The following NHEJ1 variants were observed in gnomAD, a reference collection of about 807,000 sequenced individuals.
NHEJ1 encodes non-homologous end joining factor 1, also known as non-homologous end-joining factor 1.
In NHEJ1, 22 loss-of-function variants were observed where a neutral mutation model predicts 39.4. The ratio of observed to expected loss-of-function variants is 0.56; its 90% CI spans 0.40 to 0.80. The LOEUF (loss-of-function observed/expected upper bound fraction) is 0.80, where lower values mean the gene tolerates loss of function less well. Ranked by LOEUF, NHEJ1 falls within the 30% of genes least tolerant of loss-of-function variation. The pLI, the probability that NHEJ1 is intolerant of heterozygous loss-of-function variation, is 0.00. For missense variants in NHEJ1, 329 were observed against 357.1 expected (o/e 0.92, Z 0.63); for synonymous variants, 154 against 135.6 (o/e 1.14, Z -0.94).
chr2:219,116,410 G>A (rs906835845), intron 5 of NHEJ1, among the ~76,000 whole-genome samples: 8 of 151,970 alleles, frequency 5.3e-5, no homozygotes, highest in African/African-American at 1.9e-4. Flanking sequence ...AGGCTGGAGT[G>A]CAGTGACGTG....
At chr2:219,080,578 T>C (rs1439607336) in intron 5 of NHEJ1, among the ~76,000 whole-genome samples, 1 of 142,750 alleles carries the variant, frequency 7.0e-6, no homozygotes, top group Non-Finnish European at 1.5e-5. Context: ...TGCTTTTATA[T>C]ATATACGCTT....
chr2:219,077,957 T>C, intron 6 of NHEJ1, 132 bp downstream of exon 6: 1 of 732,736 alleles, frequency 1.4e-6, no homozygotes, highest in Non-Finnish European at 2.4e-6. Context: ...AAAATGCATT[T>C]TTAGTTTTAT....
chr2:219,159,562 T>G (rs1353820677), intron 1 of NHEJ1, among the ~76,000 whole-genome samples: 1 of 11,220 alleles, frequency 8.9e-5, no homozygotes, highest in Non-Finnish European at 3.0e-4. Flanking sequence ...CATATATATA[T>G]GCATATATAT....
chr2:219,091,717 G>GAC (rs1049298592), intron 5 of NHEJ1, among the ~76,000 whole-genome samples: 6 of 152,188 alleles, frequency 3.9e-5, no homozygotes, highest in African/African-American at 1.4e-4. Context: ...ACGCCAAGGG[G>GAC]ACACTGTTTT....
At chr2:219,121,007 A>T (rs1229167195) in intron 5 of NHEJ1, among the ~76,000 whole-genome samples, 1 of 151,526 alleles carries the variant, frequency 6.6e-6, no homozygotes, top group Non-Finnish European at 1.5e-5. Context: ...GACCAGCCTG[A>T]CCAACATGGT....
Position 219,146,826 on chromosome 2 carries a change from TA to T in NHEJ1, c.530-89del. Reference sequence around the variant, plus strand: ...GGAAAGGGAACAGAACAGGGCTACTTAGGAAAGAGGAGGAAGGTGCATCATG... The same window carrying T: ...GGAAAGGGAACAGAACAGGGCTACTTGGAAAGAGGAGGAAGGTGCATCATG... On this transcript the variant is annotated intron_variant, in intron 4 of 7. Coordinates refer to ENST00000356853, the MANE Select transcript of NHEJ1 (RefSeq NM_024782.3). 3 of 1,032,924 alleles carry T rather than the reference TA, an allele frequency of 2.9e-6. No homozygotes were observed. In the South Asian group the frequency reaches 3.8e-5, roughly 13 times the overall value. 64.0% of individuals were successfully genotyped at this position (1,032,924 alleles called of 1,614,324 possible).
chr2:219,078,055 C>T (rs1389611323), intron 6 of NHEJ1, 34 bp downstream of exon 6: 2 of 1,425,856 alleles, frequency 1.4e-6, no homozygotes, highest in East Asian at 2.3e-5. Flanking sequence ...CTAATTGTAT[C>T]CTCACACAGA....
At chr2:219,088,835 C>T (rs531542860) in intron 5 of NHEJ1, among the ~76,000 whole-genome samples, 137 of 152,242 alleles carry the variant, frequency 9.0e-4, no homozygotes, top group African/African-American at 2.1e-3. Flanking sequence ...TTTTTTGAGA[C>T]GGAGTCTCAC....
intron 5 of NHEJ1, among the ~76,000 whole-genome samples, chr2:219,140,095 AG>A (rs1443616060): frequency 6.6e-5 from 10 of 152,258 alleles, no homozygotes; most frequent in African/African-American, 2.2e-4. Flanking sequence ...AGAACATTCC[AG>A]GCAGAGGGAA....
chr2:219,080,237 T>C (rs77006944), intron 5 of NHEJ1, among the ~76,000 whole-genome samples: 1 of 152,136 alleles, frequency 6.6e-6, no homozygotes, highest in African/African-American at 2.4e-5. Context: ...TGTCGAATAC[T>C]TAATATATGC....
intron 5 of NHEJ1, among the ~76,000 whole-genome samples, chr2:219,121,205 TAA>T (rs559046266): frequency 8.2e-5 from 11 of 134,286 alleles, no homozygotes; most frequent in Non-Finnish European, 8.2e-5. Flanking sequence ...AAACTCTGTC[TAA>T]AAAAAAAAAA....
Position 219,159,564 on chromosome 2 carries a change from C to CATATATATATATGCAT in NHEJ1, c.-1+1155_-1+1156insATGCATATATATATAT, listed in dbSNP as rs373610993. On this transcript the variant is annotated intron_variant, in intron 1 of 7. Transcript: ENST00000356853. The stretch of plus-strand genomic sequence containing the variant: ...ATATATATATATGCATATATATATG[C>CATATATATATATGCAT]ATATATATATGCATATATATATGCA... Among the ~76,000 whole-genome samples the CATATATATATATGCAT allele has an allele frequency of 8.9e-4, 55 of 61,752 alleles. 5 individuals are homozygous for CATATATATATATGCAT. Among genetic ancestry groups the CATATATATATATGCAT allele is most frequent in the African/African-American group, 3.0e-3 (37 of 12,142 alleles). 40.5% of individuals were successfully genotyped at this position (61,752 alleles called of 152,430 possible). A position where few individuals can be genotyped will look rare whatever the true frequency, so the allele number is the denominator to read the frequency against.
At chr2:219,105,932 G>A (rs1949309187) in intron 5 of NHEJ1, among the ~76,000 whole-genome samples, 1 of 152,178 alleles carries the variant, frequency 6.6e-6, no homozygotes, top group Non-Finnish European at 1.5e-5. Context: ...TTGAAGGCAA[G>A]GTTTCAGTTT....
intron 3 of NHEJ1, among the ~76,000 whole-genome samples, chr2:219,149,234 C>T (rs1411944456): frequency 6.6e-6 from 1 of 152,142 alleles, no homozygotes; most frequent in Non-Finnish European, 1.5e-5. Context: ...CGCAGCCATA[C>T]TGCCGTACAA....
At chr2:219,084,058 G>C (rs1339367119) in intron 5 of NHEJ1, among the ~76,000 whole-genome samples, 1 of 149,200 alleles carries the variant, frequency 6.7e-6, no homozygotes, top group African/African-American at 2.5e-5. Context: ...CCAGGCTGGA[G>C]TGCAGTGGTA....
chr2:219,078,274 A>C, intron 5 of NHEJ1, 68 bp from the exon 6 acceptor site: 1 of 1,313,142 alleles, frequency 7.6e-7, no homozygotes. Flanking sequence ...AATACCCCAC[A>C]TGCAGAACCG....
chr2:219,079,021 A>G (rs565957661), intron 5 of NHEJ1, among the ~76,000 whole-genome samples: 1 of 152,242 alleles, frequency 6.6e-6, no homozygotes, highest in Non-Finnish European at 1.5e-5. Flanking sequence ...TGCTATGATT[A>G]CATTATATTT....
chr2:219,099,714 A>G (rs1236562252), intron 5 of NHEJ1, among the ~76,000 whole-genome samples: 6 of 152,196 alleles, frequency 3.9e-5, no homozygotes, highest in Admixed American at 3.9e-4. Flanking sequence ...GGACTATGAA[A>G]GAAGAAACAG....
chr2:219,147,200 C>A (rs534175485), intron 4 of NHEJ1, among the ~76,000 whole-genome samples: 1 of 152,328 alleles, frequency 6.6e-6, no homozygotes, highest in Non-Finnish European at 1.5e-5. Context: ...GTCACCTAGG[C>A]CAGGCACGGT....
Sources: allele counts gnomAD v4.1 joint callset (sites outside exome capture counted in the v4.1 genomes callset), GRCh38; gene constraint gnomAD v4.1.1; transcripts MANE v1.5; gene names NCBI Gene and HGNC (gene_info 2026-07-23, HGNC 2026-07-21).